PTPRD: variants seen among roughly 807,000 people sequenced by gnomAD.
The protein encoded by PTPRD is receptor-type tyrosine-protein phosphatase delta.
In PTPRD, 34 loss-of-function variants were observed where a neutral mutation model predicts 214.5. That is an observed-to-expected ratio of 0.16 (90% CI 0.12 to 0.21). PTPRD has a LOEUF of 0.21. Among genes scored for constraint, PTPRD ranks in the 10% least tolerant of loss-of-function variants. The pLI is 1.00. For missense variants in PTPRD, 2,545 were observed against 2,398.7 expected (o/e 1.06, Z -1.27); for synonymous variants, 1,128 against 845.7 (o/e 1.33, Z -5.79).
At position 9,286,876 on chromosome 9, in the gene PTPRD, ATATATATATATAT is replaced by A. The variant is rs1355790630; in HGVS notation, c.-202-103526_-202-103514del. Among the ~76,000 whole-genome samples, 22 of 8,630 alleles carry A rather than the reference ATATATATATATAT, an allele frequency of 2.5e-3. 1 individual carries two copies. The highest frequency in any genetic ancestry group is 5.1e-3 in the South Asian group (1 of 198). 5.7% of individuals were successfully genotyped at this position (8,630 alleles called of 152,430 possible). A position where few individuals can be genotyped will look rare whatever the true frequency, so the allele number is the denominator to read the frequency against. ...CAAGGCAGTCTTGAAACTACTGAAT[ATATATATATATAT>A]ATATATATATATATATATATATATA... On this transcript the variant is annotated intron_variant, in intron 9 of 45. Coordinates refer to ENST00000381196, the MANE Select transcript of PTPRD (RefSeq NM_002839.4).
At chr9:10,611,679 T>A (rs1331709171) in intron 2 of PTPRD, among the ~76,000 whole-genome samples, 1 of 152,182 alleles carries the variant, frequency 6.6e-6, no homozygotes, top group East Asian at 1.9e-4. Context: ...CACTGGCTGC[T>A]GAGCCCTGTC....
intron 8 of PTPRD, among the ~76,000 whole-genome samples, chr9:9,411,487 ACT>A (rs1243124374): frequency 6.6e-6 from 1 of 151,954 alleles, no homozygotes; most frequent in African/African-American, 2.4e-5. Flanking sequence ...CAGCCAAATT[ACT>A]CTTTTACTCT....
chr9:10,255,898 C>T (rs2093225884), intron 3 of PTPRD, among the ~76,000 whole-genome samples: 1 of 152,110 alleles, frequency 6.6e-6, no homozygotes, highest in Non-Finnish European at 1.5e-5. Context: ...ACCCCCAGGC[C>T]CGGACTGGTA....
At chr9:8,877,043 C>G (rs113234198) in intron 11 of PTPRD, among the ~76,000 whole-genome samples, 99 of 152,128 alleles carry the variant, frequency 6.5e-4, no homozygotes, top group African/African-American at 2.3e-3. Flanking sequence ...TCTCCTGCCT[C>G]AGCCTCCCGA....
chr9:8,611,550 C>G (rs1340387977), intron 14 of PTPRD, among the ~76,000 whole-genome samples: 1 of 151,774 alleles, frequency 6.6e-6, no homozygotes, highest in African/African-American at 2.4e-5. Context: ...ACAAAAAATA[C>G]AAAAATTAGC....
intron 9 of PTPRD, among the ~76,000 whole-genome samples, chr9:9,226,533 T>C (rs996284187): frequency 4.0e-5 from 6 of 151,808 alleles, no homozygotes; most frequent in African/African-American, 1.4e-4. Flanking sequence ...AGAGGGGTAA[T>C]TGAATAAAAA....
intron 4 of PTPRD, among the ~76,000 whole-genome samples, chr9:9,950,722 CAAAAAAAAAAAAA>C (rs922771507): frequency 1.9e-3 from 5 of 2,660 alleles, no homozygotes; most frequent in Non-Finnish European, 2.3e-3. Flanking sequence ...GACTCCGTCT[CAAAAAAAAAAAAA>C]AAAAAAAAAA....
intron 6 of PTPRD, among the ~76,000 whole-genome samples, chr9:9,736,423 A>G (rs1564865083): frequency 6.6e-6 from 1 of 152,078 alleles, no homozygotes; most frequent in Non-Finnish European, 1.5e-5. Context: ...CAATTTACAT[A>G]TTCAATCCAC....
At chr9:8,666,552 T>C (rs974535998) in intron 12 of PTPRD, among the ~76,000 whole-genome samples, 3 of 152,188 alleles carry the variant, frequency 2.0e-5, no homozygotes, top group African/African-American at 7.2e-5. Context: ...AGCCAAATAC[T>C]CTCCTTTCAC....
At chr9:10,432,427 A>G (rs1479844976) in intron 2 of PTPRD, among the ~76,000 whole-genome samples, 1 of 151,580 alleles carries the variant, frequency 6.6e-6, no homozygotes, top group Admixed American at 6.6e-5. Flanking sequence ...CCTAAAACTT[A>G]AAGTATAATA....
intron 14 of PTPRD, among the ~76,000 whole-genome samples, chr9:8,552,364 C>G (rs1461593116): frequency 6.6e-6 from 1 of 152,144 alleles, no homozygotes; most frequent in Non-Finnish European, 1.5e-5. Context: ...CAGAACGGAC[C>G]AGCGTGAGAG....
At chr9:8,818,721 G>T (rs909322105) in intron 11 of PTPRD, among the ~76,000 whole-genome samples, 2 of 152,250 alleles carry the variant, frequency 1.3e-5, no homozygotes, top group East Asian at 3.9e-4. Flanking sequence ...TGCTTCTTAC[G>T]CACATATTTA....
chr9:9,754,527 C>CA (rs1269608987), intron 6 of PTPRD, among the ~76,000 whole-genome samples: 5 of 151,830 alleles, frequency 3.3e-5, no homozygotes, highest in Middle Eastern at 3.4e-3. Flanking sequence ...GAATATTTGG[C>CA]AAAAAATGCA....
intron 7 of PTPRD, among the ~76,000 whole-genome samples, chr9:9,649,861 T>G (rs2096288489): frequency 6.6e-6 from 1 of 152,236 alleles, no homozygotes; most frequent in African/African-American, 2.4e-5. Context: ...ATGCATCTTT[T>G]CATTTTTCCT....
At chr9:9,331,316 GT>G (rs2042229197) in intron 9 of PTPRD, among the ~76,000 whole-genome samples, 4 of 151,916 alleles carry the variant, frequency 2.6e-5, no homozygotes, top group Admixed American at 6.6e-5. Flanking sequence ...AATTTACTAA[GT>G]TTTTAAAATG....
chr9:9,778,592 C>G (rs948373624), intron 5 of PTPRD, among the ~76,000 whole-genome samples: 17 of 152,096 alleles, frequency 1.1e-4, no homozygotes, highest in African/African-American at 4.1e-4. Flanking sequence ...TCTGTCTGCC[C>G]CTCCCATGCT....
intron 4 of PTPRD, among the ~76,000 whole-genome samples, chr9:9,989,462 G>A (rs1188448554): frequency 6.6e-6 from 1 of 152,146 alleles, no homozygotes; most frequent in Non-Finnish European, 1.5e-5. Context: ...ACTTCAGAGG[G>A]ATGGCTTGAT....
Position 8,317,930 on chromosome 9 carries a change from A to G in PTPRD, c.5683T>C (p.Phe1895Leu). 6.2e-7 allele frequency: 1 copy of G among 1,612,016 alleles called. No homozygotes were observed. The highest frequency in any genetic ancestry group is 8.5e-7 in the Non-Finnish European group (1 of 1,178,570). The change falls in exon 46 of 46, where the codon TTT becomes CTT. Residue 1895 changes from phenylalanine (F) to leucine (L), a missense_variant. Physicochemically the swap from Phe to Leu is conservative, Grantham distance 22. Coordinates refer to ENST00000381196, the MANE Select transcript of PTPRD (RefSeq NM_002839.4). ...TACTCTAGTGCGGCACGATAGGAAA[A>G]CTGATATTGATCCTGCAGGAGACAA... ...AMVQTEDQYQ[F>L]SYRAALEYLG...
intron 25 of PTPRD, 21 bp downstream of exon 25, chr9:8,499,626 T>C (rs761368581): frequency 1.3e-6 from 2 of 1,598,182 alleles, no homozygotes; most frequent in African/African-American, 2.7e-5. Context: ...AAAACAGAGG[T>C]ACATAATTTC....
Sources: gnomAD v4.1 joint callset for allele counts (sites outside exome capture counted in the v4.1 genomes callset) on GRCh38, gnomAD v4.1.1 for gene constraint, MANE v1.5 for transcripts, NCBI Gene and HGNC (gene_info 2026-07-23, HGNC 2026-07-21) for gene names.